Variants in AK5 observed in about 807,000 individuals in gnomAD.
The protein encoded by AK5 is adenylate kinase 5.
In AK5, 27 loss-of-function variants were observed where a neutral mutation model predicts 69.5. That is an observed-to-expected ratio of 0.39 (90% CI 0.29 to 0.54). The LOEUF is 0.54. Among genes scored for constraint, AK5 ranks in the 20% least tolerant of loss-of-function variants. The probability of loss-of-function intolerance (pLI) is 0.71; values close to 1 mark genes in which losing one functional copy is unlikely to be tolerated. For synonymous variants in AK5, 260 were observed against 244.4 expected, an observed-to-expected ratio of 1.06 and a Z score of -0.60; for missense variants, 531 against 700.4, an observed-to-expected ratio of 0.76 and a Z score of 2.73.
chr1:77,426,592 A>G (rs916220289), intron 8 of AK5, among the ~76,000 whole-genome samples: 1 of 152,206 alleles, frequency 6.6e-6, no homozygotes, highest in Non-Finnish European at 1.5e-5. Flanking sequence ...AAAATCAATA[A>G]GGTTGTAGTT....
At chr1:77,439,689 T>C (rs1397779340) in intron 8 of AK5, among the ~76,000 whole-genome samples, 3 of 151,112 alleles carry the variant, frequency 2.0e-5, no homozygotes, top group Non-Finnish European at 4.4e-5. Flanking sequence ...CTTAACATAA[T>C]GTCCTCCAGT....
Position 77,367,556 on chromosome 1 carries a change from T to TA in AK5, c.891+26988_891+26989insA, listed in dbSNP as rs1557532470. Among the ~76,000 whole-genome samples, 63 of 26,806 alleles carry TA rather than the reference T, an allele frequency of 2.4e-3. 8 individuals are homozygous for TA. The highest frequency in any genetic ancestry group is 6.4e-3 in the African/African-American group (61 of 9,502). 17.6% of individuals were successfully genotyped at this position (26,806 alleles called of 152,430 possible). ...GTTGCCCAGACTCATTTATGTTATT[T>TA]TTATATATATATATATATATATAAT... is the stretch of plus-strand genomic sequence containing the variant. On this transcript the variant is annotated intron_variant, in intron 6 of 13. Transcript: ENST00000354567.
chr1:77,367,555 T>TATATATATATATATATATATATA (rs1553139660), intron 6 of AK5, among the ~76,000 whole-genome samples: 1 of 59,324 alleles, frequency 1.7e-5, no homozygotes, highest in African/African-American at 9.2e-5. Context: ...TTTATGTTAT[T>TATATATATATATATATATATATA]TTTATATATA....
intron 8 of AK5, among the ~76,000 whole-genome samples, chr1:77,430,788 G>T (rs1485024572): frequency 6.6e-6 from 1 of 152,198 alleles, no homozygotes; most frequent in African/African-American, 2.4e-5. Context: ...GCCAAATGTG[G>T]CTGAGAAGAT....
At chr1:77,469,121 T>C (rs1029707970) in intron 8 of AK5, among the ~76,000 whole-genome samples, 1 of 152,194 alleles carries the variant, frequency 6.6e-6, no homozygotes, top group African/African-American at 2.4e-5. Flanking sequence ...TTATTATTCC[T>C]CTTGGTTACT....
intron 12 of AK5, among the ~76,000 whole-genome samples, chr1:77,531,435 T>C (rs377131503): frequency 6.6e-6 from 1 of 152,152 alleles, no homozygotes; most frequent in Non-Finnish European, 1.5e-5. Flanking sequence ...TTACAATCCC[T>C]GAGCTAGACA....
At chr1:77,342,012 C>T (rs1570409929) in intron 6 of AK5, among the ~76,000 whole-genome samples, 1 of 152,258 alleles carries the variant, frequency 6.6e-6, no homozygotes, top group East Asian at 1.9e-4. Context: ...GATTCTCCTA[C>T]CTCAGCCTCC....
chr1:77,442,467 G>A (rs1175444399), intron 8 of AK5, among the ~76,000 whole-genome samples: 1 of 152,128 alleles, frequency 6.6e-6, no homozygotes, highest in Non-Finnish European at 1.5e-5. Context: ...GTGCTGACAG[G>A]AGCTGCTGCG....
chr1:77,396,844 T>G (rs74736640), intron 6 of AK5, among the ~76,000 whole-genome samples: 12,687 of 152,314 alleles, frequency 0.083, 697 homozygotes, highest in South Asian at 0.17. Context: ...GGGAAAGTGT[T>G]ACGTTGTGAT....
intron 10 of AK5, among the ~76,000 whole-genome samples, chr1:77,506,212 G>A (rs959275263): frequency 2.9e-5 from 4 of 137,418 alleles, no homozygotes; most frequent in Admixed American, 7.4e-5. Flanking sequence ...ACAAAGGATC[G>A]GTGTTTGGTT....
chr1:77,304,142 AC>A (rs973717470), intron 5 of AK5, among the ~76,000 whole-genome samples: 1 of 151,634 alleles, frequency 6.6e-6, no homozygotes, highest in Non-Finnish European at 1.5e-5. Context: ...CTCTGCCTCC[AC>A]CCCCCGACAC....
chr1:77,482,439 C>A (rs1023347300), intron 8 of AK5, among the ~76,000 whole-genome samples: 1 of 152,122 alleles, frequency 6.6e-6, no homozygotes, highest in African/African-American at 2.4e-5. Flanking sequence ...TCCTTTATTT[C>A]ATGCTTTGGT....
intron 5 of AK5, among the ~76,000 whole-genome samples, chr1:77,298,739 G>A (rs1659162967): frequency 6.6e-6 from 1 of 152,002 alleles, no homozygotes; most frequent in African/African-American, 2.4e-5. Context: ...GAGACTGAGA[G>A]GCAGGAGAAT....
intron 6 of AK5, among the ~76,000 whole-genome samples, chr1:77,362,433 T>C (rs1441472577): frequency 6.6e-6 from 1 of 152,200 alleles, no homozygotes; most frequent in East Asian, 1.9e-4. Flanking sequence ...GTCATTTAAA[T>C]ATATGTCATT....
chr1:77,318,304 T>C (rs1660349242), intron 5 of AK5, among the ~76,000 whole-genome samples: 1 of 152,078 alleles, frequency 6.6e-6, no homozygotes, highest in African/African-American at 2.4e-5. Context: ...AACTAGATCT[T>C]GTGAGAACTT....
chr1:77,393,593 T>G (rs371053160), intron 6 of AK5, among the ~76,000 whole-genome samples: 60 of 152,346 alleles, frequency 3.9e-4, no homozygotes, highest in African/African-American at 1.3e-3. Flanking sequence ...AAAACGTGAT[T>G]CTACATAGAC....
Position 77,533,702 on chromosome 1 carries a change from C to T in AK5, c.1429-2145C>T, listed in dbSNP as rs940267074. On this transcript the variant is annotated intron_variant, in intron 12 of 13. Coordinates refer to ENST00000354567, the MANE Select transcript of AK5 (RefSeq NM_174858.3). Reference sequence around the variant, plus strand: ...TTTGGTCTAAAAGGTCATTTGCTGCCGGCTCCTGCTCAGTGACATATAATC... The same window carrying T: ...TTTGGTCTAAAAGGTCATTTGCTGCTGGCTCCTGCTCAGTGACATATAATC... Among the ~76,000 whole-genome samples the T allele has an allele frequency of 2.0e-5, 3 of 152,078 alleles. No individual in the cohort carries two copies. The East Asian group carries it at 5.8e-4, about 29-fold the overall frequency.
At chr1:77,453,302 A>C (rs1345460765) in intron 8 of AK5, among the ~76,000 whole-genome samples, 1 of 152,254 alleles carries the variant, frequency 6.6e-6, no homozygotes, top group Non-Finnish European at 1.5e-5. Flanking sequence ...AGGTTTTCAA[A>C]AAGTATTTAT....
chr1:77,340,414 C>G lies in AK5; in HGVS notation c.737C>G (p.Ala246Gly), dbSNP rs779027707. The change falls in exon 6 of 14, where the codon GCT becomes GGT. Residue 246 changes from alanine to glycine, a missense_variant. By Grantham distance (60) the Ala-to-Gly change is moderately conservative. Transcript: ENST00000354567. ...TPDLVVFLACANQRLKERLLK... is the reference protein window; with the variant it reads ...TPDLVVFLACGNQRLKERLLK... ...GATTTGGTGGTATTCCTGGCTTGTGCTAATCAGAGACTCAAAGAAAGATTA... is the reference window on the plus strand; with the variant it reads ...GATTTGGTGGTATTCCTGGCTTGTGGTAATCAGAGACTCAAAGAAAGATTA... 2 of 1,614,044 alleles carry G rather than the reference C, an allele frequency of 1.2e-6. No homozygotes were observed. Among genetic ancestry groups the G allele is most frequent in the Non-Finnish European group, 1.7e-6 (2 of 1,179,934 alleles).
Sources: allele counts gnomAD v4.1 joint callset (sites outside exome capture counted in the v4.1 genomes callset), GRCh38; gene constraint gnomAD v4.1.1; transcripts MANE v1.5; gene names NCBI Gene and HGNC (gene_info 2026-07-23, HGNC 2026-07-21).